CORO2B: variants seen among roughly 807,000 people sequenced by gnomAD.
CORO2B encodes the protein coronin 2B.
Under a neutral mutation model 58.8 loss-of-function variants are expected in CORO2B, and 26 were observed. The ratio of observed to expected loss-of-function variants is 0.44; its 90% CI spans 0.32 to 0.61. The LOEUF is 0.61. CORO2B is among the 20% of genes least tolerant of loss of function. The probability of loss-of-function intolerance (pLI) is 0.04; values close to 1 mark genes in which losing one functional copy is unlikely to be tolerated. For missense variants in CORO2B, 460 were observed against 645.1 expected (o/e 0.71, Z 3.11); for synonymous variants, 242 against 253.8 (o/e 0.95, Z 0.44).
At chr15:68,608,849 T>G (rs1327220092) in intron 1 of CORO2B, among the ~76,000 whole-genome samples, 3 of 152,154 alleles carry the variant, frequency 2.0e-5, no homozygotes, top group Non-Finnish European at 4.4e-5. Context: ...ATCCTCAGCA[T>G]CATCATTCCC....
At chr15:68,647,311 A>G (rs1047577523) in intron 2 of CORO2B, among the ~76,000 whole-genome samples, 1 of 152,254 alleles carries the variant, frequency 6.6e-6, no homozygotes, top group Non-Finnish European at 1.5e-5. Flanking sequence ...AACTCAAGCC[A>G]CATACTTGAC....
At chr15:68,629,371 C>T (rs1428528111) in intron 1 of CORO2B, among the ~76,000 whole-genome samples, 2 of 152,188 alleles carry the variant, frequency 1.3e-5, no homozygotes, top group African/African-American at 4.8e-5. Context: ...GAGCCTGGAG[C>T]TGATTCTGTT....
the CORO2B span, among the ~76,000 whole-genome samples, chr15:68,552,475 G>T: frequency 3.4e-5 from 2 of 59,388 alleles, no homozygotes; most frequent in Admixed American, 1.5e-4. Flanking sequence ...GACGCGGGGG[G>T]GTGGGGGGGG....
the CORO2B span, among the ~76,000 whole-genome samples, chr15:68,546,863 T>A: frequency 6.6e-6 from 1 of 152,174 alleles, no homozygotes; most frequent in Non-Finnish European, 1.5e-5. Flanking sequence ...AATACTCCTC[T>A]AATATTAGCT....
At chr15:68,540,899 T>TA in the CORO2B span, among the ~76,000 whole-genome samples, 3 of 152,104 alleles carry the variant, frequency 2.0e-5, no homozygotes, top group East Asian at 1.9e-4. Context: ...TTTAATACAG[T>TA]AAAAAAAGAG....
At chr15:68,527,129 C>T in the CORO2B span, among the ~76,000 whole-genome samples, 1 of 152,144 alleles carries the variant, frequency 6.6e-6, no homozygotes, top group African/African-American at 2.4e-5. Flanking sequence ...ACTTAACAGC[C>T]CCCAACAGGT....
chr15:68,581,011 A>G (rs757142134), intron 1 of CORO2B, among the ~76,000 whole-genome samples: 12 of 152,106 alleles, frequency 7.9e-5, no homozygotes, highest in Non-Finnish European at 1.2e-4. Context: ...GTCTCAATCT[A>G]TGGCCAGTGA....
At position 68,726,333 on chromosome 15, in the gene CORO2B, C is replaced by T; in HGVS notation, c.*359C>T. On this transcript the variant is annotated 3_prime_UTR_variant, in exon 12 of 12. Transcript: ENST00000261861. Reference sequence around the variant, plus strand: ...ATCCCAGCTAGACTTAGAACTTGGACTTTTCCCCTGTGAAGGGGGCTGCCA... The same window carrying T: ...ATCCCAGCTAGACTTAGAACTTGGATTTTTCCCCTGTGAAGGGGGCTGCCA... The T allele has an allele frequency of 3.3e-6, 1 of 301,866 alleles. No homozygotes were observed. Among genetic ancestry groups the T allele is most frequent in the Non-Finnish European group, 6.3e-6 (1 of 159,136 alleles). The allele number at this position is 301,866 out of a possible 1,614,324, so 18.7% of individuals were successfully genotyped here. A position where few individuals can be genotyped will look rare whatever the true frequency, so the allele number is the denominator to read the frequency against.
chr15:68,599,255 C>G (rs1899914969), intron 1 of CORO2B, among the ~76,000 whole-genome samples: 1 of 152,194 alleles, frequency 6.6e-6, no homozygotes, highest in Admixed American at 6.5e-5. Flanking sequence ...CTATCCTTCT[C>G]ATGCCACTGC....
At chr15:68,636,643 G>T (rs1901042017) in intron 1 of CORO2B, among the ~76,000 whole-genome samples, 1 of 152,218 alleles carries the variant, frequency 6.6e-6, no homozygotes, top group African/African-American at 2.4e-5. Context: ...TGGAACCCAA[G>T]AATTCCATGT....
intron 1 of CORO2B, among the ~76,000 whole-genome samples, chr15:68,625,143 A>T (rs1465872108): frequency 1.3e-5 from 2 of 152,110 alleles, no homozygotes; most frequent in Non-Finnish European, 2.9e-5. Flanking sequence ...ATGCCGCTGT[A>T]TGCTGGAAGG....
intron 2 of CORO2B, among the ~76,000 whole-genome samples, chr15:68,660,705 C>A (rs996640713): frequency 6.6e-6 from 1 of 152,164 alleles, no homozygotes; most frequent in Non-Finnish European, 1.5e-5. Flanking sequence ...CTCCTACACA[C>A]CTTTTTTACA....
the CORO2B span, among the ~76,000 whole-genome samples, chr15:68,563,522 AAGAAG>A: frequency 6.6e-6 from 1 of 151,838 alleles, no homozygotes; most frequent in African/African-American, 2.4e-5. Flanking sequence ...AAAAGAAAAA[AAGAAG>A]AGAAAAGAAA....
chr15:68,650,355 CTAAAAAAAAAAAAAAAAAAAAAAAAAA>C (rs1901597585), intron 2 of CORO2B, among the ~76,000 whole-genome samples: 1 of 85,106 alleles, frequency 1.2e-5, no homozygotes. Flanking sequence ...GAAACTCTGT[CTAAAAAAAAAAAAAAAAAAAAAAAAAA>C]AAAAAAAAAA....
At position 68,725,922 on chromosome 15, in the gene CORO2B, G is replaced by A. The variant is rs532794983; in HGVS notation, c.1391G>A (p.Arg464Gln). The A allele has an allele frequency of 3.0e-5, 48 of 1,613,998 alleles. No individual in the cohort carries two copies. The highest frequency in any genetic ancestry group is 1.9e-4 in the African/African-American group (14 of 75,012). The change falls in exon 12 of 12, where the codon CGG becomes CAG. Residue 464 changes from arginine (R) to glutamine (Q), a missense_variant. This residue lies in a region of CORO2B where 108 missense variants were observed against 102.1 expected (regional missense o/e 1.06). Transcript: ENST00000261861. ...CTGGCCCAGAAGGACATCCGCATTCGGCAGCTCCAGCTGGAACTGAAAAAC... is the reference window on the plus strand; with the variant it reads ...CTGGCCCAGAAGGACATCCGCATTCAGCAGCTCCAGCTGGAACTGAAAAAC... ...EELAQKDIRI[R>Q]QLQLELKNLR...
chr15:68,694,146 A>G (rs920820992), intron 2 of CORO2B, among the ~76,000 whole-genome samples: 8 of 152,110 alleles, frequency 5.3e-5, no homozygotes, highest in African/African-American at 1.9e-4. Context: ...TGGTTGTGTT[A>G]TAATGGAGGG....
rs116461874 is a variant in CORO2B at position 68,639,611 on chromosome 15, C to T, written c.16-5549C>T. On this transcript the variant is annotated intron_variant, in intron 1 of 11. Coordinates refer to ENST00000261861, the MANE Select transcript of CORO2B (RefSeq NM_006091.5). Reference sequence around the variant, plus strand: ...GTAGAGGAACTCTATTATCTCAGGGCTGGAAGGCAATCTAATTCCATTCAC... The same window carrying T: ...GTAGAGGAACTCTATTATCTCAGGGTTGGAAGGCAATCTAATTCCATTCAC... 4.3e-3 allele frequency among the ~76,000 whole-genome samples: 650 copies of T among 152,310 alleles called. 4 individuals carry two copies. The highest frequency in any genetic ancestry group is 0.015 in the African/African-American group (629 of 41,550).
chr15:68,522,770 C>T, the CORO2B span, among the ~76,000 whole-genome samples: 1 of 152,190 alleles, frequency 6.6e-6, no homozygotes, highest in African/African-American at 2.4e-5. Flanking sequence ...TTTTTATGAG[C>T]ATATTAATCA....
chr15:68,521,232 T>C, the CORO2B span, among the ~76,000 whole-genome samples: 4 of 152,226 alleles, frequency 2.6e-5, no homozygotes, highest in African/African-American at 7.2e-5. Context: ...TAAGCTATTT[T>C]TCATTATTCC....
Sources: gnomAD v4.1 joint callset for allele counts (sites outside exome capture counted in the v4.1 genomes callset) on GRCh38, gnomAD v4.1.1 for gene constraint, gnomAD v4.1.1 regional missense constraint, MANE v1.5 for transcripts, NCBI Gene and HGNC (gene_info 2026-07-23, HGNC 2026-07-21) for gene names.